The following GRID2IP variants were observed in gnomAD, a reference collection of about 807,000 sequenced individuals.
The protein encoded by GRID2IP is Grid2 interacting protein.
Under a neutral mutation model 114.3 loss-of-function variants are expected in GRID2IP, and 78 were observed. The ratio of observed to expected loss-of-function variants is 0.68; its 90% CI spans 0.57 to 0.82. The LOEUF (loss-of-function observed/expected upper bound fraction) is 0.82, where lower values mean the gene tolerates loss of function less well. Among genes scored for constraint, GRID2IP ranks in the 40% least tolerant of loss-of-function variants. GRID2IP has a pLI of 0.00. For missense variants in GRID2IP, 1,727 were observed against 1,678.5 expected (o/e 1.03, Z -0.51); for synonymous variants, 809 against 724.0 (o/e 1.12, Z -1.89).
chr7:6,541,483 TTCTC>T (rs1401631498), intron 1 of GRID2IP, among the ~76,000 whole-genome samples: 4 of 152,166 alleles, frequency 2.6e-5, no homozygotes, highest in Non-Finnish European at 2.9e-5. Context: ...ACTCCCTCAG[TTCTC>T]TCTCCAAACT....
Position 6,516,700 on chromosome 7 carries a change from C to T in GRID2IP, c.1269-2171G>A, listed in dbSNP as rs950825950. The stretch of plus-strand genomic sequence containing the variant: ...TGCTTCAGTGGTCACGCTCCTGGTC[C>T]GCATTCATGTTCTGCCCTGTGCACT... On this transcript the variant is annotated intron_variant, in intron 7 of 21. Transcript: ENST00000457091. The surrounding 1 kb of genome is among the most constrained non-coding windows in gnomAD (Gnocchi z 4.3). 3.9e-5 allele frequency among the ~76,000 whole-genome samples: 6 copies of T among 152,178 alleles called. No individual in the cohort carries two copies. The highest frequency in any genetic ancestry group is 8.8e-5 in the Non-Finnish European group (6 of 68,028).
Position 6,520,661 on chromosome 7 carries a change from G to C in GRID2IP, c.1185C>G (p.Thr395=), listed in dbSNP as rs1779394356. The change falls in exon 7 of 22, where the codon ACC becomes ACG. Residue 395 remains threonine (T), a synonymous_variant. Coordinates refer to ENST00000457091, the MANE Select transcript of GRID2IP (RefSeq NM_001145118.2). This position sits in a 1 kb window ranked among gnomAD's most constrained non-coding sequence, Gnocchi z 4.6. ...LPSSIRVQGR[T]FSQQLEHLLT... is the part of the protein sequence containing the mutation. ...GTAGGTGCTCCAGCTGCTGGCTGAA[G>C]GTCCTCCCTTGGACCCGGATGCTGG... The C allele has an allele frequency of 6.4e-7, 1 of 1,551,616 alleles. No individual in the cohort carries two copies. The highest frequency in any genetic ancestry group is 1.4e-5 in the African/African-American group (1 of 73,064).
chr7:6,538,542 G>C (rs1202228268), intron 2 of GRID2IP, among the ~76,000 whole-genome samples: 1 of 150,988 alleles, frequency 6.6e-6, no homozygotes, highest in Admixed American at 6.6e-5. Context: ...CCTCCTGCCT[G>C]GGCGACAGAG....
intron 7 of GRID2IP, among the ~76,000 whole-genome samples, chr7:6,514,791 A>G (rs572390890): frequency 1.3e-5 from 2 of 152,046 alleles, no homozygotes; most frequent in African/African-American, 4.8e-5. Flanking sequence ...GTCTCTACTG[A>G]AAGTATAAAA....
chr7:6,503,753 A>G, intron 15 of GRID2IP, 66 bp from the exon 16 acceptor site: 1 of 1,235,476 alleles, frequency 8.1e-7, no homozygotes, highest in South Asian at 1.6e-5. Context: ...CCCAAGACGG[A>G]GAGGGCAGGG....
rs60806867 is a variant in GRID2IP, at chr7:6,503,915, C to A, written c.2711-228G>T. On this transcript the variant is annotated intron_variant, in intron 15 of 21. Transcript: ENST00000457091. Reference sequence around the variant, plus strand: ...GACGGCGCTTCAATATTGGCCTGGGCTAAGGGGAAGAAAAAAGGAAAGGGG... The same window carrying A: ...GACGGCGCTTCAATATTGGCCTGGGATAAGGGGAAGAAAAAAGGAAAGGGG... 1.7e-3 allele frequency among the ~76,000 whole-genome samples: 234 copies of A among 139,366 alleles called. 8 individuals carry two copies. The East Asian group carries it at 0.047, about 28-fold the overall frequency. 91.4% of individuals were successfully genotyped at this position (139,366 alleles called of 152,430 possible). A position where few individuals can be genotyped will look rare whatever the true frequency, so the allele number is the denominator to read the frequency against.
Position 6,536,565 on chromosome 7 carries a change from G to A in GRID2IP, c.584+3153C>T, listed in dbSNP as rs1180488052. ...ACACCGGCAGCGCTGTGGGAGAGGA[G>A]AACCGAGAGGGCCTCCAGCCGAGCC... On this transcript the variant is annotated intron_variant, in intron 2 of 21. Transcript: ENST00000457091. This position sits in a 1 kb window ranked among gnomAD's most constrained non-coding sequence, Gnocchi z 5.3. 6.6e-6 allele frequency among the ~76,000 whole-genome samples: 1 copy of A among 151,958 alleles called. No individual in the cohort carries two copies. The highest frequency in any genetic ancestry group is 2.4e-5 in the African/African-American group (1 of 41,402).
At position 6,503,484 on chromosome 7, in the gene GRID2IP, G is replaced by A. The variant is rs1416496919; in HGVS notation, c.2907+7C>T. 2 of 1,515,920 alleles carry A rather than the reference G, an allele frequency of 1.3e-6. No homozygotes were observed. The highest frequency in any genetic ancestry group is 8.8e-7 in the Non-Finnish European group (1 of 1,139,224). 93.9% of individuals were successfully genotyped at this position (1,515,920 alleles called of 1,614,324 possible). A position where few individuals can be genotyped will look rare whatever the true frequency, so the allele number is the denominator to read the frequency against. On this transcript the variant is annotated splice_region_variant and intron_variant, in intron 16 of 21. Coordinates refer to ENST00000457091, the MANE Select transcript of GRID2IP (RefSeq NM_001145118.2). The stretch of plus-strand genomic sequence containing the variant: ...GAGGCCTCGGGGCGGGGTTGTGGTC[G>A]CGGCACCTGCAGGACGAACTGGTCC...
chr7:6,526,150 G>T lies in GRID2IP; in HGVS notation c.919+74C>A. On this transcript the variant is annotated intron_variant, in intron 4 of 21. Transcript: ENST00000457091. The surrounding 1 kb of genome is among the most constrained non-coding windows in gnomAD (Gnocchi z 7.6). Reference sequence around the variant, plus strand: ...GAGCCTACATGGGGTACAATGACCCGGCAGAGCCACCACGGGGCCCTTCAC... The same window carrying T: ...GAGCCTACATGGGGTACAATGACCCTGCAGAGCCACCACGGGGCCCTTCAC... 1 of 1,204,120 alleles carries T rather than the reference G, an allele frequency of 8.3e-7. No homozygotes were observed. The highest frequency in any genetic ancestry group is 1.2e-6 in the Non-Finnish European group (1 of 833,138). 74.6% of individuals were successfully genotyped at this position (1,204,120 alleles called of 1,614,324 possible). A position where few individuals can be genotyped will look rare whatever the true frequency, so the allele number is the denominator to read the frequency against.
intron 7 of GRID2IP, among the ~76,000 whole-genome samples, chr7:6,515,738 T>C (rs771085576): frequency 6.6e-6 from 1 of 150,548 alleles, no homozygotes; most frequent in African/African-American, 2.4e-5. Flanking sequence ...GAGCCAAGAT[T>C]GCGCCACTAC....
intron 16 of GRID2IP, 55 bp from the exon 17 acceptor site, chr7:6,503,218 C>A (rs1694506181): frequency 2.0e-5 from 28 of 1,425,166 alleles, no homozygotes; most frequent in Non-Finnish European, 2.4e-5. Context: ...ACCCTCTGCC[C>A]CACCGCAGGC....
Position 6,523,685 on chromosome 7 carries a change from C to T in GRID2IP, c.920-1728G>A, listed in dbSNP as rs549658315. On this transcript the variant is annotated intron_variant, in intron 4 of 21. Coordinates refer to ENST00000457091, the MANE Select transcript of GRID2IP (RefSeq NM_001145118.2). The surrounding 1 kb of genome is among the most constrained non-coding windows in gnomAD (Gnocchi z 4.5). The stretch of plus-strand genomic sequence containing the variant: ...CTGGGCTCAAGTGATCCTCCCACCC[C>T]AGCCTCCAGAGTAGCTGGGACTACA... 1.3e-5 allele frequency among the ~76,000 whole-genome samples: 2 copies of T among 152,298 alleles called. No homozygotes were observed. The highest frequency in any genetic ancestry group is 2.9e-5 in the Non-Finnish European group (2 of 68,022).
rs970095212 is a variant in GRID2IP, at chr7:6,534,406, T to C, written c.584+5312A>G. Among the ~76,000 whole-genome samples, 1 of 152,202 alleles carries C rather than the reference T, an allele frequency of 6.6e-6. No individual in the cohort carries two copies. The highest frequency in any genetic ancestry group is 1.5e-5 in the Non-Finnish European group (1 of 68,038). On this transcript the variant is annotated intron_variant, in intron 2 of 21. Coordinates refer to ENST00000457091, the MANE Select transcript of GRID2IP (RefSeq NM_001145118.2). This position sits in a 1 kb window ranked among gnomAD's most constrained non-coding sequence, Gnocchi z 4.5. ...GCCTGTCCTAATTAGAAAGCCATTT[T>C]CTCACTTCATCAGACCGGGGTCCCT...
intron 1 of GRID2IP, among the ~76,000 whole-genome samples, chr7:6,547,905 C>G (rs193140265): frequency 7.2e-5 from 11 of 152,160 alleles, no homozygotes; most frequent in Non-Finnish European, 1.0e-4. Flanking sequence ...TAGTCAAACT[C>G]CGACAAAGTT....
chr7:6,502,905 C>CA lies in GRID2IP; in HGVS notation c.3064-34dup, dbSNP rs760240613. On this transcript the variant is annotated intron_variant, in intron 17 of 21. Transcript: ENST00000457091. The stretch of plus-strand genomic sequence containing the variant: ...CAAGAAGGTGGGTAGGTCCTGTCCT[C>CA]ACCCCACCACCCATCCACCCTGCTG... 1.4e-5 allele frequency: 21 copies of CA among 1,542,704 alleles called. No individual in the cohort carries two copies. In the South Asian group the frequency reaches 2.5e-4, roughly 18 times the overall value.
intron 2 of GRID2IP, among the ~76,000 whole-genome samples, chr7:6,530,119 C>G (rs913283499): frequency 6.7e-6 from 1 of 150,306 alleles, no homozygotes; most frequent in African/African-American, 2.5e-5. Flanking sequence ...CCTTCACACC[C>G]GGCTAATTTT....
rs1445578511 is a variant in GRID2IP, at chr7:6,532,868, C to T, written c.585-6099G>A. 6.6e-6 allele frequency among the ~76,000 whole-genome samples: 1 copy of T among 152,222 alleles called. No homozygotes were observed. Among genetic ancestry groups the T allele is most frequent in the African/African-American group, 2.4e-5 (1 of 41,458 alleles). ...CAGGCACGCTACCTCAGAGCCAGGT[C>T]TCCGTGGGCACAGTGGGGCCAGCTG... On this transcript the variant is annotated intron_variant, in intron 2 of 21. Transcript: ENST00000457091. This position sits in a 1 kb window ranked among gnomAD's most constrained non-coding sequence, Gnocchi z 4.4.
At chr7:6,517,049 T>C (rs1489627870) in intron 7 of GRID2IP, among the ~76,000 whole-genome samples, 8 of 151,576 alleles carry the variant, frequency 5.3e-5, no homozygotes, top group Non-Finnish European at 1.0e-4. Flanking sequence ...CTTTGTCTTG[T>C]GTCTTTCTTT....
chr7:6,544,222 C>A (rs1224818581), intron 1 of GRID2IP, among the ~76,000 whole-genome samples: 1 of 152,108 alleles, frequency 6.6e-6, no homozygotes, highest in Non-Finnish European at 1.5e-5. Context: ...TTCCCCTGTC[C>A]TGCACATCAT....
Sources: allele counts gnomAD v4.1 joint callset (sites outside exome capture counted in the v4.1 genomes callset), GRCh38; gene constraint gnomAD v4.1.1; non-coding constraint Gnocchi (gnomAD v3.1); transcripts MANE v1.5; gene names NCBI Gene and HGNC (gene_info 2026-07-23, HGNC 2026-07-21).